DGCR2: variants seen among roughly 807,000 people sequenced by gnomAD.
DGCR2 encodes DiGeorge syndrome critical region gene 2.
In DGCR2, 24 loss-of-function variants were observed where a neutral mutation model predicts 51.6. That is an observed-to-expected ratio of 0.47 (90% CI 0.34 to 0.65). The LOEUF is 0.65. Ranked by LOEUF, DGCR2 falls within the 30% of genes least tolerant of loss-of-function variation. The probability of loss-of-function intolerance (pLI) is 0.01; values close to 1 mark genes in which losing one functional copy is unlikely to be tolerated. For missense variants in DGCR2, 765 were observed against 772.1 expected (o/e 0.99, Z 0.11); for synonymous variants, 340 against 315.4 (o/e 1.08, Z -0.82).
At chr22:19,117,269 G>A (rs1468337926) in intron 1 of DGCR2, among the ~76,000 whole-genome samples, 1 of 152,276 alleles carries the variant, frequency 6.6e-6, no homozygotes, top group Non-Finnish European at 1.5e-5. Flanking sequence ...GGGAAGTGGA[G>A]CAGCGAAGGC....
At chr22:19,069,342 T>C (rs1403332560) in intron 2 of DGCR2, among the ~76,000 whole-genome samples, 1 of 152,210 alleles carries the variant, frequency 6.6e-6, no homozygotes, top group African/African-American at 2.4e-5. Context: ...TCTGCTAGTG[T>C]CATAGACTTT....
chr22:19,114,679 G>C (rs1012557025), intron 1 of DGCR2, among the ~76,000 whole-genome samples: 3 of 152,204 alleles, frequency 2.0e-5, no homozygotes, highest in Non-Finnish European at 2.9e-5. Flanking sequence ...GATCATCCCT[G>C]TGTTGACCTT....
At chr22:19,074,900 A>G (rs770022076) in intron 2 of DGCR2, among the ~76,000 whole-genome samples, 1 of 152,116 alleles carries the variant, frequency 6.6e-6, no homozygotes, top group Non-Finnish European at 1.5e-5. Context: ...ACAGGGGTTG[A>G]TGTCCTCTGC....
intron 1 of DGCR2, among the ~76,000 whole-genome samples, chr22:19,096,208 GA>G (rs2083138021): frequency 6.6e-6 from 1 of 152,108 alleles, no homozygotes; most frequent in Non-Finnish European, 1.5e-5. Flanking sequence ...AACATGAATG[GA>G]ACTGGAGGAC....
intron 7 of DGCR2, among the ~76,000 whole-genome samples, chr22:19,043,748 G>A (rs917841863): frequency 6.6e-6 from 1 of 152,142 alleles, no homozygotes; most frequent in Non-Finnish European, 1.5e-5. Flanking sequence ...CCCCGTGTGA[G>A]TGGCTGGGTT....
intron 1 of DGCR2, among the ~76,000 whole-genome samples, chr22:19,120,991 C>A (rs910403871): frequency 2.0e-5 from 3 of 152,204 alleles, no homozygotes; most frequent in Admixed American, 6.5e-5. Context: ...CGGTCAGGGC[C>A]TTGGCCACCA....
intron 1 of DGCR2, among the ~76,000 whole-genome samples, chr22:19,101,500 G>C (rs1195767659): frequency 6.6e-6 from 1 of 151,396 alleles, no homozygotes; most frequent in East Asian, 2.0e-4. Context: ...CAGCACTTTG[G>C]GAGGCCGAGG....
chr22:19,078,350 T>C (rs796438495), intron 2 of DGCR2, among the ~76,000 whole-genome samples: 3 of 152,286 alleles, frequency 2.0e-5, no homozygotes, highest in African/African-American at 7.2e-5. Context: ...ATTTTCTTAA[T>C]TTCCTCTTCA....
In DGCR2 at chr22:19,063,346, GTTTT is replaced by G. The variant is rs1201544720; in HGVS notation, c.549-72_549-69del. 4 of 1,462,908 alleles carry G rather than the reference GTTTT, an allele frequency of 2.7e-6. No individual in the cohort carries two copies. The Admixed American group carries it at 5.5e-5, about 20-fold the overall frequency. The allele number at this position is 1,462,908 out of a possible 1,614,324, so 90.6% of individuals were successfully genotyped here. The stretch of plus-strand genomic sequence containing the variant: ...GGGATGCAACCATCAATGACTGTGT[GTTTT>G]TTGTTTTTTGAGACAGAGTCTCGCT... On this transcript the variant is annotated intron_variant, in intron 4 of 9. Transcript: ENST00000263196.
intron 2 of DGCR2, among the ~76,000 whole-genome samples, chr22:19,084,334 C>G (rs1046147688): frequency 1.3e-4 from 20 of 151,762 alleles, no homozygotes; most frequent in Non-Finnish European, 2.2e-4. Flanking sequence ...GCCCCGCCGC[C>G]CCGTCTGGGA....
At chr22:19,076,723 C>CTT (rs1228247995) in intron 2 of DGCR2, among the ~76,000 whole-genome samples, 21 of 118,774 alleles carry the variant, frequency 1.8e-4, no homozygotes, top group Middle Eastern at 4.8e-3. Context: ...GTCCTTTGCA[C>CTT]ATTTTTTTTT....
At chr22:19,099,562 C>CA (rs1041124611) in intron 1 of DGCR2, among the ~76,000 whole-genome samples, 1 of 151,936 alleles carries the variant, frequency 6.6e-6, no homozygotes, top group Admixed American at 6.6e-5. Flanking sequence ...CAACCTGTCT[C>CA]AAAAAAACAA....
intron 2 of DGCR2, among the ~76,000 whole-genome samples, chr22:19,088,669 C>A (rs534892886): frequency 5.7e-4 from 87 of 152,280 alleles, no homozygotes; most frequent in Admixed American, 1.9e-3. Flanking sequence ...GTCTTAAAAA[C>A]GAATTCATGG....
chr22:19,093,361 G>GAAAAAAAAAAAAAAA (rs35223547), intron 1 of DGCR2, among the ~76,000 whole-genome samples: 1 of 120,494 alleles, frequency 8.3e-6, no homozygotes. Context: ...ACTCCACCTC[G>GAAAAAAAAAAAAAAA]AAAAAAAAAA....
At chr22:19,102,173 A>G (rs946969364) in intron 1 of DGCR2, among the ~76,000 whole-genome samples, 4 of 152,258 alleles carry the variant, frequency 2.6e-5, no homozygotes, top group African/African-American at 9.6e-5. Context: ...CAGACACAAA[A>G]GAGGCAAATA....
intron 6 of DGCR2, among the ~76,000 whole-genome samples, chr22:19,051,965 AAATCACTCCTACGTTG>A (rs1228936433): frequency 1.8e-4 from 27 of 152,320 alleles, no homozygotes; most frequent in African/African-American, 6.3e-4. Flanking sequence ...TGGAGAAATT[AAATCACTCCTACGTTG>A]AATCACTCCT....
intron 1 of DGCR2, 76 bp downstream of exon 1, chr22:19,122,052 G>T: frequency 8.6e-7 from 1 of 1,166,086 alleles, no homozygotes; most frequent in South Asian, 2.2e-5. Context: ...GGGCGCCGCG[G>T]GTGAAAGGAG....
At chr22:19,120,652 G>A (rs1012998321) in intron 1 of DGCR2, among the ~76,000 whole-genome samples, 5 of 152,170 alleles carry the variant, frequency 3.3e-5, no homozygotes, top group Admixed American at 2.6e-4. Flanking sequence ...AAAGAAGCCA[G>A]GCATAATATG....
chr22:19,104,881 A>AAGCAGC (rs769150247), intron 1 of DGCR2, among the ~76,000 whole-genome samples: 41 of 151,178 alleles, frequency 2.7e-4, no homozygotes, highest in African/African-American at 7.5e-4. Context: ...GCACACTTCA[A>AAGCAGC]AGCAGCAGCA....
Sources: gnomAD v4.1 joint callset for allele counts (sites outside exome capture counted in the v4.1 genomes callset) on GRCh38, gnomAD v4.1.1 for gene constraint, MANE v1.5 for transcripts, NCBI Gene and HGNC (gene_info 2026-07-23, HGNC 2026-07-21) for gene names.